Variants in SELENOM observed in about 807,000 individuals in gnomAD.
SELENOM encodes the protein selenoprotein M.
In SELENOM, 17 loss-of-function variants were observed where a neutral mutation model predicts 14.5. The ratio of observed to expected loss-of-function variants is 1.17; its 90% CI spans 0.80 to 1.76. SELENOM has a LOEUF of 1.76. SELENOM is among the 40% of genes most tolerant of loss of function. The pLI, the probability that SELENOM is intolerant of heterozygous loss-of-function variation, is 0.00. For synonymous variants in SELENOM, 102 were observed against 93.3 expected (o/e 1.09, Z -0.54); for missense variants, 230 against 204.6 (o/e 1.12, Z -0.76).
rs373767032 is a variant in SELENOM, at chr22:31,105,674, G to T, written c.184C>A (p.Gln62Lys). ...RLKEVKAFVT[Q>K]DIPFYHNLVM... ...GAAGGATACTAGAATGGAATGTCCT[G>T]CGTGACGAAAGCCTTCACCTGGGGA... The change falls in exon 3 of 5, where the codon CAG (glutamine) becomes AAG (lysine). Residue 62 changes from glutamine to lysine, a missense_variant. Coordinates refer to ENST00000400299, the MANE Select transcript of SELENOM (RefSeq NM_080430.4). The T allele has an allele frequency of 3.9e-5, 63 of 1,614,052 alleles. No individual in the cohort carries two copies. The highest frequency in any genetic ancestry group is 5.2e-5 in the Non-Finnish European group (61 of 1,179,956).
chr22:31,106,352 A>C (rs1483731223), intron 1 of SELENOM: 1 of 274,872 alleles, frequency 3.6e-6, no homozygotes, highest in African/African-American at 2.2e-5. Flanking sequence ...GAGGCAGAGC[A>C]GAAGGAAACA....
chr22:31,105,184 C>T (rs758096784), intron 4 of SELENOM, 24 bp downstream of exon 4: 3 of 1,613,242 alleles, frequency 1.9e-6, no homozygotes, highest in Non-Finnish European at 2.5e-6. Context: ...GGCCTCGCCC[C>T]CAGCCCACCT....
At chr22:31,106,274 T>C (rs1027349520) in intron 1 of SELENOM, 16 of 476,684 alleles carry the variant, frequency 3.4e-5, no homozygotes, top group Non-Finnish European at 1.9e-5. Context: ...CCAGGGGAAA[T>C]GATCACCCTG....
rs776373563 is a variant in SELENOM at position 31,105,716 on chromosome 22, A to C, written c.166-24T>G. 1.2e-5 allele frequency: 19 copies of C among 1,613,620 alleles called. 1 individual carries two copies. In the South Asian group the frequency reaches 2.0e-4, roughly 17 times the overall value. ...ACCTGGGGAGGAACCAGAGCATCAG[A>C]GACCATGACCTCAGTCTACTCGAGG... On this transcript the variant is annotated intron_variant, in intron 2 of 4. Transcript: ENST00000400299.
At position 31,104,957 on chromosome 22, in the gene SELENOM, C is replaced by T. The variant is rs1468530962; in HGVS notation, c.*13G>A. On this transcript the variant is annotated 3_prime_UTR_variant, in exon 5 of 5. Transcript: ENST00000400299. ...TCAGGCAGGTAGGTCCCAGCTCCGC[C>T]GCGCCCCCGGACCTACAGGTCAGCG... 1.3e-6 allele frequency: 2 copies of T among 1,547,418 alleles called. 1 individual carries two copies. Among genetic ancestry groups the T allele is most frequent in the Middle Eastern group, 3.5e-4 (2 of 5,720 alleles).
intron 1 of SELENOM, 175 bp from the exon 2 acceptor site, chr22:31,106,140 G>A (rs2044402984): frequency 3.1e-6 from 2 of 654,628 alleles, no homozygotes; most frequent in Non-Finnish European, 5.5e-6. Context: ...GGGGAACTGT[G>A]TATACAGGTG....
At chr22:31,105,865 C>G in intron 2 of SELENOM, 65 bp downstream of exon 2, 3 of 1,544,256 alleles carry the variant, frequency 1.9e-6, no homozygotes, top group Non-Finnish European at 2.7e-6. Context: ...TCATTGGGAC[C>G]ATGTTGCCCA....
intron 1 of SELENOM, 63 bp from the exon 2 acceptor site, chr22:31,106,028 A>G: frequency 6.9e-7 from 1 of 1,456,570 alleles, no homozygotes; most frequent in Non-Finnish European, 9.6e-7. Flanking sequence ...CACATCCCCA[A>G]AGCCATACTT....
intron 3 of SELENOM, 70 bp from the exon 4 acceptor site, chr22:31,105,356 G>A (rs1336160240): frequency 7.1e-7 from 1 of 1,410,460 alleles, no homozygotes; most frequent in Non-Finnish European, 9.8e-7. Flanking sequence ...TTACTGATGG[G>A]AACAGCATTG....
Position 31,104,931 on chromosome 22 carries a change from C to T in SELENOM, c.*39G>A, listed in dbSNP as rs769335879. 9.9e-6 allele frequency: 15 copies of T among 1,520,400 alleles called. No individual in the cohort carries two copies. Among genetic ancestry groups the T allele is most frequent in the African/African-American group, 1.4e-5 (1 of 71,456 alleles). The allele number at this position is 1,520,400 out of a possible 1,614,324, so 94.2% of individuals were successfully genotyped here. A position where few individuals can be genotyped will look rare whatever the true frequency, so the allele number is the denominator to read the frequency against. ...TGAGCGCTTCATTCTGTCTCCAGGA[C>T]TCAGGCAGGTAGGTCCCAGCTCCGC... is the stretch of plus-strand genomic sequence containing the variant. On this transcript the variant is annotated 3_prime_UTR_variant, in exon 5 of 5. Transcript: ENST00000400299.
At chr22:31,105,544 C>T (rs535568284) in intron 3 of SELENOM, 114 bp downstream of exon 3, 3 of 1,132,790 alleles carry the variant, frequency 2.6e-6, no homozygotes, top group Non-Finnish European at 4.0e-6. Context: ...CTGGGAGCCA[C>T]TACCAATCAA....
At position 31,105,778 on chromosome 22, in the gene SELENOM, G is replaced by A. The variant is rs58114992; in HGVS notation, c.166-86C>T. 4,449 of 1,534,160 alleles carry A rather than the reference G, an allele frequency of 2.9e-3. 123 individuals carry two copies. The African/African-American group carries it at 0.054, about 19-fold the overall frequency. ...CACTGAAGCCCAGTGAGGTCATAAA[G>A]CAAGTCAGGTGCAGGCTAGACTCTC... On this transcript the variant is annotated intron_variant, in intron 2 of 4. Coordinates refer to ENST00000400299, the MANE Select transcript of SELENOM (RefSeq NM_080430.4).
At chr22:31,105,892 G>A (rs769712132) in intron 2 of SELENOM, 38 bp downstream of exon 2, 2 of 1,602,262 alleles carry the variant, frequency 1.2e-6, no homozygotes, top group Non-Finnish European at 8.6e-7. Flanking sequence ...AAGAGGCTCA[G>A]GGGGAACAGA....
In SELENOM at chr22:31,104,935, G is replaced by C. The variant is rs551747467; in HGVS notation, c.*35C>G. 1 of 1,524,878 alleles carries C rather than the reference G, an allele frequency of 6.6e-7. No individual in the cohort carries two copies. The highest frequency in any genetic ancestry group is 1.3e-5 in the South Asian group (1 of 76,954). 94.5% of individuals were successfully genotyped at this position (1,524,878 alleles called of 1,614,324 possible). ...CGCTTCATTCTGTCTCCAGGACTCA[G>C]GCAGGTAGGTCCCAGCTCCGCCGCG... is the stretch of plus-strand genomic sequence containing the variant. On this transcript the variant is annotated 3_prime_UTR_variant, in exon 5 of 5. Coordinates refer to ENST00000400299, the MANE Select transcript of SELENOM (RefSeq NM_080430.4).
At chr22:31,105,851 C>G in intron 2 of SELENOM, 79 bp downstream of exon 2, 1 of 1,518,422 alleles carries the variant, frequency 6.6e-7, no homozygotes, top group African/African-American at 1.4e-5. Context: ...CCTCCCCGCC[C>G]CAGTCATTGG....
chr22:31,104,866 C>T lies in SELENOM; in HGVS notation c.*104G>A. On this transcript the variant is annotated 3_prime_UTR_variant, in exon 5 of 5. Transcript: ENST00000400299. Reference sequence around the variant, plus strand: ...AACCCCATCCCTGCTGGCCCGGGGACGGGCATCGGCTCTCAGCAAGAGAAG... The same window carrying T: ...AACCCCATCCCTGCTGGCCCGGGGATGGGCATCGGCTCTCAGCAAGAGAAG... 2 of 1,300,950 alleles carry T rather than the reference C, an allele frequency of 1.5e-6. No individual in the cohort carries two copies. The highest frequency in any genetic ancestry group is 2.1e-6 in the Non-Finnish European group (2 of 971,196). The allele number at this position is 1,300,950 out of a possible 1,614,324, so 80.6% of individuals were successfully genotyped here.
chr22:31,105,397 G>T, intron 3 of SELENOM, 111 bp from the exon 4 acceptor site: 1 of 1,151,738 alleles, frequency 8.7e-7, no homozygotes, highest in Non-Finnish European at 1.3e-6. Context: ...CTCTGTGCCC[G>T]GGAGGGGCCA....
intron 3 of SELENOM, 111 bp from the exon 4 acceptor site, chr22:31,105,397 G>A (rs1347053051): frequency 2.6e-6 from 3 of 1,151,738 alleles, no homozygotes; most frequent in East Asian, 2.6e-5. Flanking sequence ...CTCTGTGCCC[G>A]GGAGGGGCCA....
chr22:31,106,062 C>A (rs1195376919), intron 1 of SELENOM, 97 bp from the exon 2 acceptor site: 40 of 1,138,636 alleles, frequency 3.5e-5, no homozygotes, highest in Non-Finnish European at 5.3e-6. Flanking sequence ...TTGGGTCGGG[C>A]TGTGAGTTAT....
Sources: gnomAD v4.1 joint callset for allele counts on GRCh38, gnomAD v4.1.1 for gene constraint, MANE v1.5 for transcripts, NCBI Gene and HGNC (gene_info 2026-07-23, HGNC 2026-07-21) for gene names.